Variants in KDM2A observed in about 807,000 individuals in gnomAD.
The protein encoded by KDM2A is lysine demethylase 2A, also known as lysine-specific demethylase 2A.
Under a neutral mutation model 137.3 loss-of-function variants are expected in KDM2A, and 3 were observed. The observed-to-expected ratio is 0.02, with a 90% CI of 0.01 to 0.06. The LOEUF is 0.06. KDM2A is among the 10% of genes least tolerant of loss of function. The probability of loss-of-function intolerance (pLI) is 1.00; values close to 1 mark genes in which losing one functional copy is unlikely to be tolerated. For missense variants in KDM2A, 738 were observed against 1,510.6 expected (o/e 0.49, Z 8.48); for synonymous variants, 512 against 541.5 (o/e 0.95, Z 0.76).
At chr11:67,155,937 TAAAAAA>T (rs770113717) in intron 2 of KDM2A, among the ~76,000 whole-genome samples, 1 of 104,264 alleles carries the variant, frequency 9.6e-6, no homozygotes, top group Non-Finnish European at 1.8e-5. Flanking sequence ...TTTAAACGGC[TAAAAAA>T]AAAAAAAAAA....
rs557156109 is a variant in KDM2A at position 67,190,353 on chromosome 11, C to T, written c.307+8461C>T. ...TGAACCTAGGAAGCAGAGGTTGCAG[C>T]GAGCCAAGATTGCACCACTGCACTC... is the stretch of plus-strand genomic sequence containing the variant. On this transcript the variant is annotated intron_variant, in intron 5 of 20. Transcript: ENST00000529006. Among the ~76,000 whole-genome samples the T allele has an allele frequency of 8.0e-5, 12 of 150,740 alleles. No homozygotes were observed. The East Asian group carries it at 1.6e-3, about 20-fold the overall frequency.
intron 2 of KDM2A, among the ~76,000 whole-genome samples, chr11:67,147,459 A>G (rs1856278763): frequency 6.6e-6 from 1 of 151,302 alleles, no homozygotes; most frequent in Non-Finnish European, 1.5e-5. Context: ...GGAGAATGGC[A>G]TGAACCTGGG....
At chr11:67,170,215 A>G (rs1856849016) in intron 2 of KDM2A, among the ~76,000 whole-genome samples, 1 of 152,166 alleles carries the variant, frequency 6.6e-6, no homozygotes, top group African/African-American at 2.4e-5. Context: ...TTCAGCCAGA[A>G]TAGTTGAACA....
chr11:67,253,663 C>A (rs890920669), intron 19 of KDM2A, 52 bp downstream of exon 19: 1 of 1,579,024 alleles, frequency 6.3e-7, no homozygotes, highest in South Asian at 1.1e-5. Flanking sequence ...GCTTTGTCTT[C>A]CAAACAGACC....
Position 67,243,001 on chromosome 11 carries a change from A to G in KDM2A, c.1480-8A>G, listed in dbSNP as rs1195704786. 2 of 1,612,060 alleles carry G rather than the reference A, an allele frequency of 1.2e-6. No homozygotes were observed. Among genetic ancestry groups the G allele is most frequent in the Non-Finnish European group, 1.7e-6 (2 of 1,178,584 alleles). ...CTGATTTTTCCTTCTTTTCCCTCCT[A>G]CCCTTAGATTTTGCTGGAGGAGCTT... On this transcript the variant is annotated splice_region_variant and splice_polypyrimidine_tract_variant and intron_variant, in intron 12 of 20. Coordinates refer to ENST00000529006, the MANE Select transcript of KDM2A (RefSeq NM_012308.3).
At chr11:67,166,935 A>AG (rs1565385498) in intron 2 of KDM2A, among the ~76,000 whole-genome samples, 1 of 151,796 alleles carries the variant, frequency 6.6e-6, no homozygotes, top group Non-Finnish European at 1.5e-5. Context: ...CAAATTAGCC[A>AG]GGCGTGGTGG....
chr11:67,133,374 T>TTA (rs1170280162), intron 2 of KDM2A, among the ~76,000 whole-genome samples: 1 of 152,018 alleles, frequency 6.6e-6, no homozygotes, highest in Non-Finnish European at 1.5e-5. Flanking sequence ...AGGGCTGGGA[T>TTA]TATAGGTGTG....
intron 2 of KDM2A, among the ~76,000 whole-genome samples, chr11:67,171,643 G>C (rs1052881649): frequency 6.6e-6 from 1 of 152,176 alleles, no homozygotes; most frequent in African/African-American, 2.4e-5. Flanking sequence ...TTACCTTTCT[G>C]TTTCTTCATG....
At chr11:67,219,615 CGTG>C (rs1168918273) in intron 10 of KDM2A, 2 of 267,856 alleles carry the variant, frequency 7.5e-6, no homozygotes, top group African/African-American at 4.5e-5. Context: ...AGTGCAGTGG[CGTG>C]ATCATGGATG....
At chr11:67,252,117 A>G (rs1198300082) in intron 17 of KDM2A, among the ~76,000 whole-genome samples, 1 of 152,210 alleles carries the variant, frequency 6.6e-6, no homozygotes, top group Non-Finnish European at 1.5e-5. Context: ...ATGTCAGGAT[A>G]GCACTGAGGC....
intron 2 of KDM2A, among the ~76,000 whole-genome samples, chr11:67,123,051 G>C (rs905777080): frequency 6.6e-6 from 1 of 151,998 alleles, no homozygotes; most frequent in Non-Finnish European, 1.5e-5. Context: ...ACTCACTGTA[G>C]CCTCAAATTC....
At chr11:67,123,275 CTTTTTTTTTTTT>C (rs575165830) in intron 2 of KDM2A, among the ~76,000 whole-genome samples, 4 of 71,474 alleles carry the variant, frequency 5.6e-5, no homozygotes, top group Non-Finnish European at 1.1e-4. Context: ...CAGTACCTGG[CTTTTTTTTTTTT>C]TTTTTTTTTT....
At position 67,119,343 on chromosome 11, in the gene KDM2A, GGCA is replaced by G. The variant is rs1053075240; in HGVS notation, c.-787_-785del. On this transcript the variant is annotated 5_prime_UTR_variant, in exon 1 of 21. Coordinates refer to ENST00000529006, the MANE Select transcript of KDM2A (RefSeq NM_012308.3). ...TGTGAGGGAAACAACACCCCTCCCCGGCAGCGGCGGCGGCGGCGGCGGCTCTCG... is the reference window on the plus strand; with the variant it reads ...TGTGAGGGAAACAACACCCCTCCCCGGCGGCGGCGGCGGCGGCGGCTCTCG... 3.2e-4 allele frequency: 54 copies of G among 167,470 alleles called. No individual in the cohort carries two copies. The highest frequency in any genetic ancestry group is 5.1e-4 in the Non-Finnish European group (41 of 80,118). The allele number at this position is 167,470 out of a possible 1,614,324, so 10.4% of individuals were successfully genotyped here.
rs377030762 is a variant in KDM2A at position 67,219,289 on chromosome 11, C to T, written c.843C>T (p.Gly281=). 18 of 1,551,650 alleles carry T rather than the reference C, an allele frequency of 1.2e-5. No homozygotes were observed. In the African/African-American group the frequency reaches 1.8e-4, roughly 16 times the overall value. ...KQGYTFVIPS[G]WIHAVYTPTD... is the part of the protein sequence containing the mutation. ...TGCCCTCTGTTCCCCTTCTCCTAGG[C>T]TGGATTCATGCTGTGTATACTCCTA... is the stretch of plus-strand genomic sequence containing the variant. The change falls in exon 10 of 21, where the codon GGC becomes GGT. Residue 281 remains glycine, a splice_region_variant and synonymous_variant. Transcript: ENST00000529006.
chr11:67,201,930 G>T (rs1294283701), intron 5 of KDM2A, among the ~76,000 whole-genome samples: 4 of 151,980 alleles, frequency 2.6e-5, no homozygotes, highest in African/African-American at 9.7e-5. Context: ...ATTCCAGCCT[G>T]GGCATGAGAG....
At chr11:67,194,545 C>T (rs372929497) in intron 5 of KDM2A, among the ~76,000 whole-genome samples, 4 of 152,030 alleles carry the variant, frequency 2.6e-5, no homozygotes, top group African/African-American at 9.7e-5. Flanking sequence ...GTAAATACTG[C>T]GAGAAGGTAA....
chr11:67,177,333 T>A (rs548238807), intron 2 of KDM2A, among the ~76,000 whole-genome samples: 3 of 152,304 alleles, frequency 2.0e-5, no homozygotes, highest in Admixed American at 6.5e-5. Context: ...TTATATACTT[T>A]TGAACATTTT....
intron 6 of KDM2A, among the ~76,000 whole-genome samples, chr11:67,210,560 A>T (rs1369688439): frequency 6.6e-6 from 1 of 152,166 alleles, no homozygotes; most frequent in Non-Finnish European, 1.5e-5. Context: ...TTAGAAAAAT[A>T]TATTAACATT....
At chr11:67,126,828 T>C (rs1855742925) in intron 2 of KDM2A, among the ~76,000 whole-genome samples, 2 of 152,130 alleles carry the variant, frequency 1.3e-5, no homozygotes, top group East Asian at 3.8e-4. Context: ...AGCTACACTT[T>C]CTGGAACTTG....
Sources: allele counts gnomAD v4.1 joint callset (sites outside exome capture counted in the v4.1 genomes callset), GRCh38; gene constraint gnomAD v4.1.1; transcripts MANE v1.5; gene names NCBI Gene and HGNC (gene_info 2026-07-23, HGNC 2026-07-21).